KDSR: variants seen among roughly 807,000 people sequenced by gnomAD.
The protein encoded by KDSR is 3-ketodihydrosphingosine reductase, also known as 3-dehydrosphinganine reductase.
In KDSR, 23 loss-of-function variants were observed where a neutral mutation model predicts 41.3. That is an observed-to-expected ratio of 0.56 (90% confidence interval 0.40 to 0.79). The LOEUF (loss-of-function observed/expected upper bound fraction) is 0.79. Among genes scored for constraint, KDSR ranks in the 30% least tolerant of loss-of-function variants. The pLI is 0.00. For missense variants in KDSR, 351 were observed against 416.8 expected (o/e 0.84, Z 1.37); for synonymous variants, 138 against 151.7 (o/e 0.91, Z 0.66).
intron 5 of KDSR, among the ~76,000 whole-genome samples, chr18:63,352,392 G>A (rs1914681955): frequency 1.3e-5 from 2 of 152,136 alleles, no homozygotes; most frequent in South Asian, 4.1e-4. Flanking sequence ...TTGGCTCACT[G>A]TAACCTCTGC....
At position 63,366,996 on chromosome 18, in the gene KDSR, CAGG is replaced by C. The variant is rs1915158998; in HGVS notation, c.108+12_108+14del. 2.3e-6 allele frequency: 3 copies of C among 1,278,294 alleles called. No homozygotes were observed. The highest frequency in any genetic ancestry group is 6.5e-5 in the South Asian group (2 of 30,610). The allele number at this position is 1,278,294 out of a possible 1,614,324, so 79.2% of individuals were successfully genotyped here. A position where few individuals can be genotyped will look rare whatever the true frequency, so the allele number is the denominator to read the frequency against. On this transcript the variant is annotated intron_variant, in intron 1 of 9. Transcript: ENST00000645214. Reference sequence around the variant, plus strand: ...GGGCCGGTAAGTCGGGGGGCAGCAACAGGAGGCCACTCACCACCACATGCGCCC... The same window carrying C: ...GGGCCGGTAAGTCGGGGGGCAGCAACAGGCCACTCACCACCACATGCGCCC...
intron 2 of KDSR, 80 bp from the exon 3 acceptor site, chr18:63,359,872 A>T: frequency 1.1e-6 from 1 of 932,498 alleles, no homozygotes; most frequent in Non-Finnish European, 1.8e-6. Context: ...AAAAAAAGCA[A>T]TTATTTCTAT....
At position 63,335,405 on chromosome 18, in the gene KDSR, G is replaced by T. The variant is rs567222247; in HGVS notation, c.778-47C>A. ...AGAAAGAGGGAATCCTAGTAATGTGGACAGAAATCAGTCGGACACATCAGA... is the reference window on the plus strand; with the variant it reads ...AGAAAGAGGGAATCCTAGTAATGTGTACAGAAATCAGTCGGACACATCAGA... On this transcript the variant is annotated intron_variant, in intron 8 of 9. Coordinates refer to ENST00000645214, the MANE Select transcript of KDSR (RefSeq NM_002035.4). 1.1e-5 allele frequency: 14 copies of T among 1,296,606 alleles called. No individual in the cohort carries two copies. The Admixed American group carries it at 1.9e-4, about 17-fold the overall frequency. The allele number at this position is 1,296,606 out of a possible 1,614,324, so 80.3% of individuals were successfully genotyped here.
chr18:63,349,393 T>A (rs1422931929), intron 6 of KDSR, among the ~76,000 whole-genome samples: 2 of 151,964 alleles, frequency 1.3e-5, no homozygotes, highest in Non-Finnish European at 2.9e-5. Context: ...TAAAAAAAAA[T>A]AATAAAATAA....
chr18:63,363,896 A>C (rs1412075624), intron 1 of KDSR, among the ~76,000 whole-genome samples: 2 of 152,052 alleles, frequency 1.3e-5, no homozygotes. Context: ...AAGATCTCTG[A>C]CTCCATGTTA....
At chr18:63,339,210 G>T (rs1262191041) in intron 7 of KDSR, among the ~76,000 whole-genome samples, 1 of 151,688 alleles carries the variant, frequency 6.6e-6, no homozygotes, top group Non-Finnish European at 1.5e-5. Flanking sequence ...TGACTCCTCA[G>T]TGCTGGCCGG....
At chr18:63,341,269 AG>A (rs937490303) in intron 7 of KDSR, among the ~76,000 whole-genome samples, 19 of 152,226 alleles carry the variant, frequency 1.2e-4, no homozygotes, top group African/African-American at 4.1e-4. Context: ...CTAAACATCC[AG>A]AGTGAATATC....
intron 6 of KDSR, chr18:63,345,715 G>T (rs1022575539): frequency 3.9e-5 from 6 of 152,184 alleles, no homozygotes; most frequent in Admixed American, 3.3e-4. Context: ...AGGGGAGGGG[G>T]TGGATCACCT....
At chr18:63,342,848 C>CTA (rs1259804368) in intron 7 of KDSR, among the ~76,000 whole-genome samples, 1 of 152,156 alleles carries the variant, frequency 6.6e-6, no homozygotes, top group Non-Finnish European at 1.5e-5. Flanking sequence ...TCAGGTCCAA[C>CTA]TACAATCCCC....
intron 8 of KDSR, among the ~76,000 whole-genome samples, chr18:63,338,003 G>A (rs1383065811): frequency 6.6e-6 from 1 of 152,192 alleles, no homozygotes; most frequent in Non-Finnish European, 1.5e-5. Context: ...GAGATAAGCA[G>A]GAAAAATAAA....
chr18:63,344,303 A>G (rs1914432674), intron 7 of KDSR, 107 bp downstream of exon 7: 1 of 731,260 alleles, frequency 1.4e-6, no homozygotes, highest in Non-Finnish European at 2.4e-6. Flanking sequence ...CACTCTACCC[A>G]ACAAACATTG....
intron 2 of KDSR, among the ~76,000 whole-genome samples, chr18:63,360,739 C>T (rs1914934993): frequency 6.7e-6 from 1 of 149,028 alleles, no homozygotes; most frequent in African/African-American, 2.5e-5. Context: ...AAAAACTTAG[C>T]CAAGCATGGT....
chr18:63,357,310 TA>T (rs1914823235), intron 3 of KDSR, among the ~76,000 whole-genome samples: 1 of 152,118 alleles, frequency 6.6e-6, no homozygotes. Context: ...TCTGGGTATG[TA>T]CCATTCTTGC....
intron 7 of KDSR, among the ~76,000 whole-genome samples, chr18:63,340,061 T>G (rs1296333679): frequency 2.6e-5 from 4 of 152,190 alleles, no homozygotes; most frequent in Non-Finnish European, 4.4e-5. Context: ...ACACATAAGA[T>G]TCTAAAGTAC....
intron 5 of KDSR, among the ~76,000 whole-genome samples, chr18:63,353,195 A>C (rs1358687710): frequency 6.6e-6 from 1 of 151,980 alleles, no homozygotes; most frequent in Non-Finnish European, 1.5e-5. Context: ...AAAAAAAGAA[A>C]GTTCTAAAAG....
chr18:63,333,613 A>C (rs746011547), intron 9 of KDSR, among the ~76,000 whole-genome samples: 3 of 152,178 alleles, frequency 2.0e-5, no homozygotes, highest in Non-Finnish European at 2.9e-5. Flanking sequence ...GCCAGGTAAG[A>C]ATGCAGACTC....
intron 2 of KDSR, 83 bp from the exon 3 acceptor site, chr18:63,359,875 A>T: frequency 1.1e-6 from 1 of 911,400 alleles, no homozygotes; most frequent in Non-Finnish European, 1.8e-6. Flanking sequence ...AAAAGCAATT[A>T]TTTCTATATG....
rs376292785 is a variant in KDSR at position 63,355,909 on chromosome 18, A to G, written c.256-346T>C. Among the ~76,000 whole-genome samples, 5 of 152,354 alleles carry G rather than the reference A, an allele frequency of 3.3e-5. 1 individual carries two copies. The highest frequency in any genetic ancestry group is 6.5e-5 in the Admixed American group (1 of 15,306). ...CCCTAGGGAGTGATGGAAATATTCC[A>G]TATAAGGGCCTCAGTGCTGATTCCT... On this transcript the variant is annotated intron_variant, in intron 3 of 9. Coordinates refer to ENST00000645214, the MANE Select transcript of KDSR (RefSeq NM_002035.4).
chr18:63,360,892 C>T (rs749750555), intron 2 of KDSR, among the ~76,000 whole-genome samples: 5 of 148,664 alleles, frequency 3.4e-5, no homozygotes, highest in Non-Finnish European at 5.9e-5. Context: ...CAGTGGCTCA[C>T]GCCTGTAAGC....
Sources: gnomAD v4.1 joint callset for allele counts (sites outside exome capture counted in the v4.1 genomes callset) on GRCh38, gnomAD v4.1.1 for gene constraint, MANE v1.5 for transcripts, NCBI Gene and HGNC (gene_info 2026-07-23, HGNC 2026-07-21) for gene names.